The following CKMT1A variants were observed in gnomAD, a reference collection of about 807,000 sequenced individuals.
CKMT1A encodes creatine kinase, mitochondrial 1A, also known as creatine kinase U-type, mitochondrial.
In CKMT1A, 23 loss-of-function variants were observed where a neutral mutation model predicts 21.8. The observed-to-expected ratio is 1.05, with a 90% CI of 0.76 to 1.49. The LOEUF is 1.49. Ranked by LOEUF, CKMT1A falls within the 40% of genes most tolerant of loss-of-function variation. CKMT1A has a pLI of 0.00. For synonymous variants in CKMT1A, 67 were observed against 80.4 expected (o/e 0.83, Z 0.89); for missense variants, 154 against 229.4 (o/e 0.67, Z 2.12).
intron 8 of CKMT1A, 78 bp downstream of exon 8, chr15:43,698,844 G>A: frequency 6.2e-7 from 1 of 1,605,884 alleles, no homozygotes; most frequent in East Asian, 2.2e-5. Flanking sequence ...GAGCCTCCGG[G>A]ATGTAACATA....
chr15:43,696,500 G>T, intron 6 of CKMT1A, 137 bp downstream of exon 6: 5 of 1,381,696 alleles, frequency 3.6e-6, no homozygotes, highest in Non-Finnish European at 9.9e-7. Flanking sequence ...ACTCACTCTA[G>T]GACTAAAGGT....
chr15:43,698,111 G>A lies in CKMT1A; in HGVS notation c.974G>A (p.Arg325Gln), dbSNP rs757311887. The A allele has an allele frequency of 1.5e-5, 24 of 1,612,666 alleles. No individual in the cohort carries two copies. The highest frequency in any genetic ancestry group is 6.7e-5 in the African/African-American group (5 of 74,764). ...TCPSNLGTGL[R>Q]AGVHIKLPLL... ...CCATCTAACCTGGGCACTGGACTTC[G>A]GGCAGGAGTGCACATCAAACTGCCC... Residue 325 changes from arginine (R) to glutamine (Q), a missense_variant, in exon 7 of 9, where the codon CGG becomes CAG. Transcript: ENST00000413453.
At position 43,698,718 on chromosome 15, in the gene CKMT1A, A is replaced by G. The variant is rs1469944322; in HGVS notation, c.1089A>G (p.Thr363=). ...RGTGGVDTAA[T]GGVFDISNLD... is the part of the protein sequence containing the mutation. ...CTGGAGGAGTGGACACTGCTGCCAC[A>G]GGCGGTGTCTTTGATATTTCTAATT... The change falls in exon 8 of 9, where the codon ACA becomes ACG. Residue 363 remains threonine (T), a synonymous_variant. Coordinates refer to ENST00000413453, the MANE Select transcript of CKMT1A (RefSeq NM_001321926.2). 6.2e-7 allele frequency: 1 copy of G among 1,613,726 alleles called. No individual in the cohort carries two copies. The highest frequency in any genetic ancestry group is 1.7e-5 in the Admixed American group (1 of 59,974).
chr15:43,697,898 C>T lies in CKMT1A; in HGVS notation c.877-116C>T, dbSNP rs187634011. On this transcript the variant is annotated intron_variant, in intron 6 of 8. Transcript: ENST00000413453. ...AAAAAAGACCAATGTCATTCATTCACAGCCAAGTTTCTATTCTAGACAAAT... is the reference window on the plus strand; with the variant it reads ...AAAAAAGACCAATGTCATTCATTCATAGCCAAGTTTCTATTCTAGACAAAT... The T allele has an allele frequency of 5.0e-4, 754 of 1,501,140 alleles. 8 individuals are homozygous for T. Among genetic ancestry groups the T allele is most frequent in the Non-Finnish European group, 2.2e-4 (244 of 1,122,896 alleles). The allele number at this position is 1,501,140 out of a possible 1,614,324, so 93.0% of individuals were successfully genotyped here.
rs547522015 is a variant in CKMT1A at position 43,698,781 on chromosome 15, G to C, written c.1137+15G>C. On this transcript the variant is annotated intron_variant, in intron 8 of 8. Coordinates refer to ENST00000413453, the MANE Select transcript of CKMT1A (RefSeq NM_001321926.2). Reference sequence around the variant, plus strand: ...GCAAATCAGAGGTGAGATCCTAAGGGATTAGGATGAGGAGAGGTATAGGTC... The same window carrying C: ...GCAAATCAGAGGTGAGATCCTAAGGCATTAGGATGAGGAGAGGTATAGGTC... 7 of 1,613,618 alleles carry C rather than the reference G, an allele frequency of 4.3e-6. No homozygotes were observed. In the South Asian group the frequency reaches 7.7e-5, roughly 18 times the overall value.
At chr15:43,698,792 GGA>G in intron 8 of CKMT1A, 26 bp downstream of exon 8, 1 of 1,613,510 alleles carries the variant, frequency 6.2e-7, no homozygotes, top group Middle Eastern at 1.6e-4. Context: ...ATTAGGATGA[GGA>G]GAGGTATAGG....
At chr15:43,698,590 A>G (rs1567144310) in intron 7 of CKMT1A, 51 bp from the exon 8 acceptor site, 18 of 1,582,322 alleles carry the variant, frequency 1.1e-5, no homozygotes, top group East Asian at 2.2e-5. Flanking sequence ...TTCAGGTAGG[A>G]CTAGTCTCTG....
chr15:43,696,692 C>T (rs1458077728), intron 6 of CKMT1A: 1 of 346,084 alleles, frequency 2.9e-6, no homozygotes, highest in African/African-American at 2.1e-5. Flanking sequence ...ATAAGGAAAA[C>T]ATTCGAGCTT....
At chr15:43,695,980 C>A (rs1203231151) in intron 4 of CKMT1A, 59 bp from the exon 5 acceptor site, 2 of 376,938 alleles carry the variant, frequency 5.3e-6, no homozygotes, top group Non-Finnish European at 9.0e-6. Flanking sequence ...GACATGGGCT[C>A]TGAAAGGCCC....
intron 6 of CKMT1A, chr15:43,697,058 A>G (rs1346564907): frequency 9.0e-6 from 3 of 333,230 alleles, no homozygotes; most frequent in Admixed American, 4.7e-5. Flanking sequence ...CCTCTTTTAG[A>G]TTCTGAGAAG....
intron 6 of CKMT1A, chr15:43,697,077 A>G (rs2086458131): frequency 2.6e-6 from 1 of 388,666 alleles, no homozygotes; most frequent in Non-Finnish European, 4.4e-6. Context: ...AGTTTCTACT[A>G]TTTTTGGCAA....
At chr15:43,697,290 G>A (rs1285142994) in intron 6 of CKMT1A, 2 of 1,254,050 alleles carry the variant, frequency 1.6e-6, no homozygotes, top group Admixed American at 6.0e-5. Context: ...TATTATTCTG[G>A]ATGGAAGAGT....
At chr15:43,696,149 T>C (rs779410635) in intron 5 of CKMT1A, 25 bp downstream of exon 5, 2 of 1,068,330 alleles carry the variant, frequency 1.9e-6, no homozygotes, top group Non-Finnish European at 2.7e-6. Flanking sequence ...ATTACCTCTT[T>C]TGTCTTCATG....
intron 8 of CKMT1A, 80 bp downstream of exon 8, chr15:43,698,846 TG>T: frequency 6.2e-7 from 1 of 1,605,478 alleles, no homozygotes; most frequent in Non-Finnish European, 8.5e-7. Context: ...GCCTCCGGGA[TG>T]TAACATAATC....
intron 6 of CKMT1A, 93 bp downstream of exon 6, chr15:43,696,456 A>G: frequency 6.3e-7 from 1 of 1,588,226 alleles, no homozygotes; most frequent in Non-Finnish European, 8.6e-7. Context: ...CAACCAACCC[A>G]AGACATGTCT....
At chr15:43,697,471 C>A (rs2086465234) in intron 6 of CKMT1A, 2 of 984,148 alleles carry the variant, frequency 2.0e-6, no homozygotes, top group Admixed American at 6.2e-5. Flanking sequence ...TTAATGGAAG[C>A]AAAATGCCTT....
chr15:43,696,166 T>C (rs1276440830), intron 5 of CKMT1A, 42 bp downstream of exon 5: 2 of 1,244,428 alleles, frequency 1.6e-6, no homozygotes, highest in Non-Finnish European at 2.2e-6. Flanking sequence ...CATGCCCTCA[T>C]AAATGCTTTT....
chr15:43,697,826 T>A (rs1358459286), intron 6 of CKMT1A, 188 bp from the exon 7 acceptor site: 6 of 981,702 alleles, frequency 6.1e-6, no homozygotes, highest in Non-Finnish European at 7.3e-6. Flanking sequence ...CACATCATAA[T>A]TTTGCATCAT....
chr15:43,699,059 C>T lies in CKMT1A; in HGVS notation c.1224C>T (p.Ile408=), dbSNP rs2086501911. The change falls in exon 9 of 9, where the codon ATC becomes ATT. Residue 408 remains isoleucine, a synonymous_variant. Coordinates refer to ENST00000413453, the MANE Select transcript of CKMT1A (RefSeq NM_001321926.2). The part of the protein sequence containing the change: ...RRLERGQDIR[I]PTPVIHTKH ...TGGAGAGAGGCCAGGATATCCGCAT[C>T]CCCACACCTGTCATCCACACCAAGC... The T allele has an allele frequency of 6.2e-7, 1 of 1,613,378 alleles. No homozygotes were observed. Among genetic ancestry groups the T allele is most frequent in the South Asian group, 1.1e-5 (1 of 91,048 alleles).
Sources: allele counts gnomAD v4.1 joint callset, GRCh38; gene constraint gnomAD v4.1.1; transcripts MANE v1.5; gene names NCBI Gene and HGNC (gene_info 2026-07-23, HGNC 2026-07-21).